The following ANKAR variants were observed in gnomAD, a reference collection of about 807,000 sequenced individuals.
The protein encoded by ANKAR is ankyrin and armadillo repeat-containing protein.
A neutral mutation model predicts 146.2 loss-of-function variants in ANKAR; 136 were observed. The observed-to-expected ratio is 0.93, with a 90% CI of 0.81 to 1.07. The LOEUF is 1.07. Among genes scored for constraint, ANKAR ranks in the 50% least tolerant of loss-of-function variants. The probability of loss-of-function intolerance (pLI) is 0.00; values close to 1 mark genes in which losing one functional copy is unlikely to be tolerated. For missense variants in ANKAR, 1,567 were observed against 1,679.9 expected, an observed-to-expected ratio of 0.93 and a Z score of 1.18; for synonymous variants, 500 against 575.8, an observed-to-expected ratio of 0.87 and a Z score of 1.88.
Position 189,676,587 on chromosome 2 carries a change from G to C in ANKAR, c.97G>C (p.Ala33Pro). ...ENLAIQRNASAFFEKYDRSEI... is the reference protein window; with the variant it reads ...ENLAIQRNASPFFEKYDRSEI... ...TTTAGCAATACAAAGAAATGCATCTGCTTTTTTTGAAAAATATGATCGGAG... is the reference window on the plus strand; with the variant it reads ...TTTAGCAATACAAAGAAATGCATCTCCTTTTTTTGAAAAATATGATCGGAG... Residue 33 changes from alanine (A) to proline (P), a missense_variant, in exon 2 of 23, where the codon GCT becomes CCT. By Grantham distance (27) the Ala-to-Pro change is conservative (BLOSUM62 -1). Transcript: ENST00000684021. 6.2e-7 allele frequency: 1 copy of C among 1,612,652 alleles called. No individual in the cohort carries two copies. Among genetic ancestry groups the C allele is most frequent in the South Asian group, 1.1e-5 (1 of 91,078 alleles).
At position 189,719,797 on chromosome 2, in the gene ANKAR, A is replaced by C. The variant is rs777395584; in HGVS notation, c.2450A>C (p.Asp817Ala). The C allele has an allele frequency of 6.3e-7, 1 of 1,575,888 alleles. No homozygotes were observed. The highest frequency in any genetic ancestry group is 1.1e-5 in the South Asian group (1 of 87,558). ...GATATTGCTCAATGTGAAAACAAGGATGTTATTGCCAAATATGTAAGTTCC... is the reference window on the plus strand; with the variant it reads ...GATATTGCTCAATGTGAAAACAAGGCTGTTATTGCCAAATATGTAAGTTCC... ...LYDIAQCENK[D>A]VIAKYNGIPS... The change falls in exon 11 of 23, where the codon GAT (aspartate) becomes GCT (alanine). Residue 817 changes from aspartate (D) to alanine (A), a missense_variant. Coordinates refer to ENST00000684021, the MANE Select transcript of ANKAR (RefSeq NM_001378068.1).
chr2:189,752,051 T>A (rs1265129095), intron 18 of ANKAR, among the ~76,000 whole-genome samples: 1 of 151,342 alleles, frequency 6.6e-6, no homozygotes, highest in Non-Finnish European at 1.5e-5. Context: ...GGCTGAGGCA[T>A]GACAATCACT....
intron 2 of ANKAR, among the ~76,000 whole-genome samples, chr2:189,685,704 G>A (rs1203490568): frequency 6.6e-6 from 1 of 152,290 alleles, no homozygotes; most frequent in East Asian, 1.9e-4. Context: ...TGTTGTATCT[G>A]CAGGTGTGTT....
chr2:189,761,733 T>G (rs2047088708), downstream of ANKAR: 1 of 1,387,918 alleles, frequency 7.2e-7, no homozygotes, highest in African/African-American at 1.5e-5. Flanking sequence ...ATATATAGTT[T>G]TACAGAATTA....
intron 18 of ANKAR, among the ~76,000 whole-genome samples, chr2:189,738,357 G>A (rs1395619225): frequency 6.6e-6 from 1 of 152,078 alleles, no homozygotes; most frequent in East Asian, 1.9e-4. Context: ...AAGAATAATA[G>A]TACCCCCTAT....
chr2:189,682,416 A>G (rs1206051113), intron 2 of ANKAR, among the ~76,000 whole-genome samples: 1 of 152,156 alleles, frequency 6.6e-6, no homozygotes, highest in African/African-American at 2.4e-5. Context: ...TGGTGCAAGC[A>G]GTGGTAAATG....
In ANKAR at chr2:189,689,856, A is replaced by G. The variant is rs758868673; in HGVS notation, c.931A>G (p.Arg311Gly). ...CTTTGAGAAGAAAAAAGATATCAGA[A>G]GAGGGATAGGATACCTAAAGTTAAT... is the stretch of plus-strand genomic sequence containing the variant. Reference protein sequence around the residue: ...KHFEKKKDIRRGIGYLKLICF... With the variant: ...KHFEKKKDIRGGIGYLKLICF... Residue 311 changes from arginine to glycine, a missense_variant, in exon 3 of 23, where the codon AGA becomes GGA. By Grantham distance (125) the Arg-to-Gly change is moderately radical. Transcript: ENST00000684021. 4.4e-6 allele frequency: 7 copies of G among 1,602,910 alleles called. No homozygotes were observed. Among genetic ancestry groups the G allele is most frequent in the African/African-American group, 1.3e-5 (1 of 74,314 alleles).
At position 189,689,027 on chromosome 2, in the gene ANKAR, A is replaced by C. The variant is rs563883232; in HGVS notation, c.602-500A>C. On this transcript the variant is annotated intron_variant, in intron 2 of 22. Transcript: ENST00000684021. Reference sequence around the variant, plus strand: ...TCTTTTAAAATTGCTTATCTTGAGGACAGTGTTTGTTTAACTGTTAGAGAA... The same window carrying C: ...TCTTTTAAAATTGCTTATCTTGAGGCCAGTGTTTGTTTAACTGTTAGAGAA... Among the ~76,000 whole-genome samples the C allele has an allele frequency of 9.3e-4, 142 of 152,256 alleles. 1 individual carries two copies. Among genetic ancestry groups the C allele is most frequent in the African/African-American group, 3.3e-3 (139 of 41,550 alleles).
intron 17 of ANKAR, among the ~76,000 whole-genome samples, chr2:189,736,163 C>A (rs2042815245): frequency 6.6e-6 from 1 of 152,150 alleles, no homozygotes; most frequent in African/African-American, 2.4e-5. Context: ...ATGGTGGGAG[C>A]AGTCAAACTA....
intron 10 of ANKAR, among the ~76,000 whole-genome samples, chr2:189,715,326 C>T (rs1472250799): frequency 6.6e-6 from 1 of 152,130 alleles, no homozygotes; most frequent in Non-Finnish European, 1.5e-5. Context: ...CACAAATAAA[C>T]CAGAAAATCT....
At chr2:189,749,244 TAAAAAAAAA>T (rs397987026), downstream of ANKAR, among the ~76,000 whole-genome samples, 3 of 63,254 alleles carry the variant, frequency 4.7e-5, no homozygotes, top group Admixed American at 8.5e-4. Flanking sequence ...AGACTCTGTC[TAAAAAAAAA>T]AAAAAAAAAA....
chr2:189,689,372 T>G (rs1173094896), intron 2 of ANKAR, among the ~76,000 whole-genome samples, 155 bp from the exon 3 acceptor site: 1 of 152,188 alleles, frequency 6.6e-6, no homozygotes, highest in Non-Finnish European at 1.5e-5. Context: ...TAGGGAGTGC[T>G]TAGAATTATA....
Position 189,690,794 on chromosome 2 carries a change from T to G in ANKAR, c.1039+830T>G, listed in dbSNP as rs190763590. On this transcript the variant is annotated intron_variant, in intron 3 of 22. Coordinates refer to ENST00000684021, the MANE Select transcript of ANKAR (RefSeq NM_001378068.1). Reference sequence around the variant, plus strand: ...CATGGCTCTTGGGTGGTGGGGAGCATGTATAGAAGTAGGAGGGACTTGCTT... The same window carrying G: ...CATGGCTCTTGGGTGGTGGGGAGCAGGTATAGAAGTAGGAGGGACTTGCTT... Among the ~76,000 whole-genome samples the G allele has an allele frequency of 7.2e-5, 11 of 152,266 alleles. 1 individual carries two copies. The East Asian group carries it at 1.5e-3, about 21-fold the overall frequency.
At chr2:189,738,707 T>G (rs754155757) in intron 19 of ANKAR, 25 bp downstream of exon 19, 1 of 1,422,518 alleles carries the variant, frequency 7.0e-7, no homozygotes, top group Non-Finnish European at 9.8e-7. Context: ...GAAGTTAATT[T>G]TAGCCACATA....
intron 18 of ANKAR, among the ~76,000 whole-genome samples, chr2:189,759,003 C>T (rs1436689377): frequency 3.9e-5 from 6 of 152,168 alleles, no homozygotes; most frequent in African/African-American, 1.4e-4. Flanking sequence ...TAGTTACTGT[C>T]TGCACCACTT....
chr2:189,683,029 G>A (rs2034979790), intron 2 of ANKAR, among the ~76,000 whole-genome samples: 1 of 152,166 alleles, frequency 6.6e-6, no homozygotes, highest in South Asian at 2.1e-4. Context: ...TCATGAATGG[G>A]ATTAATGCCC....
At chr2:189,722,559 G>T (rs1257188656) in intron 12 of ANKAR, among the ~76,000 whole-genome samples, 1 of 151,848 alleles carries the variant, frequency 6.6e-6, no homozygotes, top group East Asian at 1.9e-4. Context: ...GCAACAATTT[G>T]AATAAATAAA....
chr2:189,754,503 G>A, intron 18 of ANKAR: 1 of 656,494 alleles, frequency 1.5e-6, no homozygotes, highest in Non-Finnish European at 2.5e-6. Flanking sequence ...TGATATTCAG[G>A]TAAGCAGACA....
chr2:189,746,371 A>T lies in ANKAR; in HGVS notation c.4058-9A>T, dbSNP rs1012139939. The T allele has an allele frequency of 5.0e-6, 8 of 1,596,124 alleles. No homozygotes were observed. The highest frequency in any genetic ancestry group is 2.0e-4 in the Middle Eastern group (1 of 5,008). On this transcript the variant is annotated splice_polypyrimidine_tract_variant and intron_variant, in intron 22 of 22. Transcript: ENST00000684021. ...TCAGGAGAGACATTTAATTGTGGCT[A>T]ATTTTTAGGGAAGGAGCACCGAAGA...
Sources: allele counts gnomAD v4.1 joint callset (sites outside exome capture counted in the v4.1 genomes callset), GRCh38; gene constraint gnomAD v4.1.1; transcripts MANE v1.5; gene names NCBI Gene and HGNC (gene_info 2026-07-23, HGNC 2026-07-21).